ITPR1: variants seen among roughly 807,000 people sequenced by gnomAD.
ITPR1 encodes the protein inositol 1,4,5-trisphosphate receptor type 1.
ITPR1 carries 96 observed loss-of-function variants against 318.4 expected under a neutral mutation model. The observed-to-expected ratio is 0.30, with a 90% CI of 0.26 to 0.36. The LOEUF (loss-of-function observed/expected upper bound fraction) is 0.36, where lower values mean the gene tolerates loss of function less well. Among genes scored for constraint, ITPR1 ranks in the 10% least tolerant of loss-of-function variants. ITPR1 has a pLI of 1.00. For synonymous variants in ITPR1, 1,312 were observed against 1,289.9 expected, an observed-to-expected ratio of 1.02 and a Z score of -0.37; for missense variants, 2,440 against 3,460.2, an observed-to-expected ratio of 0.71 and a Z score of 7.40.
chr3:4,739,936 T>C (rs563544072), intron 44 of ITPR1, among the ~76,000 whole-genome samples: 1 of 152,314 alleles, frequency 6.6e-6, no homozygotes, highest in Non-Finnish European at 1.5e-5. Context: ...TTGGGCTTCT[T>C]AGAACATGGT....
intron 16 of ITPR1, among the ~76,000 whole-genome samples, chr3:4,664,530 A>G (rs993502977): frequency 1.3e-5 from 2 of 152,224 alleles, no homozygotes; most frequent in Admixed American, 6.5e-5. Context: ...TTAACAATCC[A>G]TCTTGTTTCA....
intron 51 of ITPR1, 52 bp from the exon 52 acceptor site, chr3:4,787,895 A>G (rs901864129): frequency 3.8e-6 from 5 of 1,299,944 alleles, no homozygotes; most frequent in Non-Finnish European, 5.4e-6. Flanking sequence ...AAATAGTCTT[A>G]GTAAAAGGTT....
intron 4 of ITPR1, among the ~76,000 whole-genome samples, chr3:4,620,863 G>A (rs1469279405): frequency 6.6e-6 from 1 of 151,992 alleles, no homozygotes; most frequent in Non-Finnish European, 1.5e-5. Context: ...GTGGATTTGT[G>A]ATACTGACTT....
intron 28 of ITPR1, 107 bp from the exon 29 acceptor site, chr3:4,684,174 A>G (rs2094350126): frequency 2.7e-6 from 2 of 748,150 alleles, no homozygotes; most frequent in Non-Finnish European, 2.3e-6. Context: ...ACTATTGTAA[A>G]ACAGTATAGA....
chr3:4,574,734 C>G (rs1421791144), intron 4 of ITPR1, among the ~76,000 whole-genome samples: 2 of 152,234 alleles, frequency 1.3e-5, no homozygotes, highest in East Asian at 3.8e-4. Flanking sequence ...TGGGAGAGAG[C>G]TCCTGATGCG....
chr3:4,565,468 T>G (rs1229619905), intron 4 of ITPR1, among the ~76,000 whole-genome samples: 2 of 152,228 alleles, frequency 1.3e-5, no homozygotes, highest in Non-Finnish European at 2.9e-5. Context: ...ACTGAGAAGA[T>G]TAATTAGTTA....
chr3:4,738,746 T>C (rs1559805658), intron 44 of ITPR1, among the ~76,000 whole-genome samples: 1 of 152,204 alleles, frequency 6.6e-6, no homozygotes, highest in African/African-American at 2.4e-5. Context: ...ATTAGTTTCA[T>C]GGTTTCACAC....
chr3:4,797,733 T>C (rs1477116561), intron 53 of ITPR1, among the ~76,000 whole-genome samples: 2 of 152,262 alleles, frequency 1.3e-5, no homozygotes, highest in East Asian at 3.8e-4. Flanking sequence ...TGAGCTACCA[T>C]ATATCTATCA....
At chr3:4,506,747 G>A (rs757875753) in intron 2 of ITPR1, among the ~76,000 whole-genome samples, 2 of 152,210 alleles carry the variant, frequency 1.3e-5, no homozygotes, top group Non-Finnish European at 2.9e-5. Flanking sequence ...AGCCCTGGCT[G>A]TTCAGTTTTA....
At chr3:4,757,542 G>A (rs992257196) in intron 44 of ITPR1, among the ~76,000 whole-genome samples, 2 of 152,166 alleles carry the variant, frequency 1.3e-5, no homozygotes, top group South Asian at 2.1e-4. Flanking sequence ...CAGGGGAGAG[G>A]TGTTTAACAG....
At chr3:4,702,775 A>G in intron 35 of ITPR1, 55 bp from the exon 36 acceptor site, 1 of 1,570,958 alleles carries the variant, frequency 6.4e-7, no homozygotes, top group Non-Finnish European at 8.7e-7. Flanking sequence ...TCGGATCATC[A>G]GTAGTCTACA....
intron 5 of ITPR1, among the ~76,000 whole-genome samples, chr3:4,633,470 G>C (rs2093080131): frequency 6.6e-6 from 1 of 152,162 alleles, no homozygotes. Flanking sequence ...ACCCCAATCA[G>C]AAGTCAGACT....
chr3:4,568,467 A>G (rs948925207), intron 4 of ITPR1, among the ~76,000 whole-genome samples: 2 of 152,230 alleles, frequency 1.3e-5, no homozygotes, highest in African/African-American at 4.8e-5. Context: ...AAAGGGGAAG[A>G]TAGTTGTGTG....
chr3:4,625,436 T>C (rs1350931637), intron 4 of ITPR1, among the ~76,000 whole-genome samples: 1 of 152,224 alleles, frequency 6.6e-6, no homozygotes, highest in Non-Finnish European at 1.5e-5. Context: ...TTTAAGGGAA[T>C]CGGTTTTAAT....
At chr3:4,574,744 G>A (rs74947981) in intron 4 of ITPR1, among the ~76,000 whole-genome samples, 4,722 of 152,300 alleles carry the variant, frequency 0.031, 134 homozygotes, top group East Asian at 0.14. Context: ...CTCCTGATGC[G>A]TCAGTCACAG....
chr3:4,710,264 C>T lies in ITPR1; in HGVS notation c.4843-61C>T. The stretch of plus-strand genomic sequence containing the variant: ...GTGTTTTAGGGCAGAAATCAATGTC[C>T]TCACCCTCCTGTGGTCAGCGTCTGC... On this transcript the variant is annotated intron_variant, in intron 37 of 61. Transcript: ENST00000649015. The surrounding 1 kb of genome is among the most constrained non-coding windows in gnomAD (Gnocchi z 4.2). 5 of 1,432,912 alleles carry T rather than the reference C, an allele frequency of 3.5e-6. No homozygotes were observed. Among genetic ancestry groups the T allele is most frequent in the Non-Finnish European group, 4.6e-6 (5 of 1,081,478 alleles). 88.8% of individuals were successfully genotyped at this position (1,432,912 alleles called of 1,614,324 possible). A position where few individuals can be genotyped will look rare whatever the true frequency, so the allele number is the denominator to read the frequency against.
chr3:4,702,744 A>G (rs969130312), intron 35 of ITPR1, 86 bp from the exon 36 acceptor site: 16 of 1,443,622 alleles, frequency 1.1e-5, no homozygotes, highest in Non-Finnish European at 1.3e-5. Context: ...CAGTGGTTCA[A>G]GACAATGTCT....
intron 55 of ITPR1, among the ~76,000 whole-genome samples, chr3:4,807,297 A>G (rs1349047385): frequency 6.6e-6 from 1 of 152,212 alleles, no homozygotes; most frequent in Non-Finnish European, 1.5e-5. Flanking sequence ...GCGTTTTCTT[A>G]AAGTGAACTG....
chr3:4,607,913 T>C (rs1188034428), intron 4 of ITPR1, among the ~76,000 whole-genome samples: 1 of 152,174 alleles, frequency 6.6e-6, no homozygotes, highest in Non-Finnish European at 1.5e-5. Context: ...GAATAATGGC[T>C]GCCAATTGAT....
Sources: gnomAD v4.1 joint callset for allele counts (sites outside exome capture counted in the v4.1 genomes callset) on GRCh38, gnomAD v4.1.1 for gene constraint, Gnocchi (gnomAD v3.1) non-coding constraint, MANE v1.5 for transcripts, NCBI Gene and HGNC (gene_info 2026-07-23, HGNC 2026-07-21) for gene names.